VGLL4: variants seen among roughly 807,000 people sequenced by gnomAD.
The protein encoded by VGLL4 is transcription cofactor vestigial-like protein 4.
In VGLL4, 7 loss-of-function variants were observed where a neutral mutation model predicts 21.0. The observed-to-expected ratio is 0.33, with a 90% CI of 0.19 to 0.63. VGLL4 has a LOEUF of 0.63. Among genes scored for constraint, VGLL4 ranks in the 20% least tolerant of loss-of-function variants. The probability of loss-of-function intolerance (pLI) is 0.78; values close to 1 mark genes in which losing one functional copy is unlikely to be tolerated. For synonymous variants in VGLL4, 222 were observed against 173.2 expected, an observed-to-expected ratio of 1.28 and a Z score of -2.21; for missense variants, 394 against 425.7, an observed-to-expected ratio of 0.93 and a Z score of 0.66.
chr3:11,629,988 A>G (rs989362591), intron 1 of VGLL4, among the ~76,000 whole-genome samples: 1 of 145,890 alleles, frequency 6.9e-6, no homozygotes, highest in Non-Finnish European at 1.5e-5. Flanking sequence ...GTGTTCTCAA[A>G]AAAGAGTCTT....
rs190076121 is a variant in VGLL4, at chr3:11,598,601, C to T, written c.272+3232G>A. On this transcript the variant is annotated intron_variant, in intron 2 of 4. Transcript: ENST00000430365. ...AACTCCTGGGCTAAAGCTATCCTCCCACCTCAGCCTCCCAAGTAGCTGGGA... is the reference window on the plus strand; with the variant it reads ...AACTCCTGGGCTAAAGCTATCCTCCTACCTCAGCCTCCCAAGTAGCTGGGA... Among the ~76,000 whole-genome samples, 734 of 152,142 alleles carry T rather than the reference C, an allele frequency of 4.8e-3. 6 individuals carry two copies. The highest frequency in any genetic ancestry group is 0.01 in the Middle Eastern group (3 of 294).
intron 2 of VGLL4, among the ~76,000 whole-genome samples, chr3:11,694,347 G>C (rs886878074): frequency 3.3e-5 from 5 of 152,138 alleles, no homozygotes; most frequent in African/African-American, 1.2e-4. Context: ...GGGGTCAGGC[G>C]CGGTGGCTCA....
At chr3:11,701,534 A>G (rs1438869012) in intron 2 of VGLL4, among the ~76,000 whole-genome samples, 4 of 152,226 alleles carry the variant, frequency 2.6e-5, no homozygotes, top group African/African-American at 9.6e-5. Context: ...GTGCCAGGAG[A>G]GAGGGCAAGG....
chr3:11,683,174 C>A (rs544262860), intron 2 of VGLL4, among the ~76,000 whole-genome samples: 1 of 151,884 alleles, frequency 6.6e-6, no homozygotes, highest in Admixed American at 6.6e-5. Flanking sequence ...TTGCAGTGAG[C>A]CGAGATCACA....
At chr3:11,689,543 CTT>C (rs573172130) in intron 2 of VGLL4, among the ~76,000 whole-genome samples, 12 of 152,214 alleles carry the variant, frequency 7.9e-5, no homozygotes, top group Non-Finnish European at 1.6e-4. Flanking sequence ...GCTCAAATCT[CTT>C]TGAAGATACC....
chr3:11,649,102 G>A (rs2075833345), intron 2 of VGLL4, among the ~76,000 whole-genome samples: 1 of 152,180 alleles, frequency 6.6e-6, no homozygotes, highest in South Asian at 2.1e-4. Context: ...ATGAAAACCT[G>A]AAAACCTAAA....
At chr3:11,652,048 C>T (rs1278695113) in intron 2 of VGLL4, among the ~76,000 whole-genome samples, 1 of 152,124 alleles carries the variant, frequency 6.6e-6, no homozygotes, top group East Asian at 1.9e-4. Flanking sequence ...AAGATTTTAA[C>T]ACAAATCTAT....
chr3:11,641,595 G>A (rs1359148513), intron 1 of VGLL4, among the ~76,000 whole-genome samples: 1 of 152,172 alleles, frequency 6.6e-6, no homozygotes, highest in Admixed American at 6.5e-5. Context: ...AAATTTTGCT[G>A]TGCTTTCCTT....
chr3:11,576,481 ATC>A lies in VGLL4; in HGVS notation c.273-11464_273-11463del, dbSNP rs144000574. ...TCACAGAAGGGATGAAAAACACTCTATCTTTCCTTCCTCACTGAGCTGCAGTG... is the reference window on the plus strand; with the variant it reads ...TCACAGAAGGGATGAAAAACACTCTATTTCCTTCCTCACTGAGCTGCAGTG... On this transcript the variant is annotated intron_variant, in intron 2 of 4. Coordinates refer to ENST00000430365, the MANE Select transcript of VGLL4 (RefSeq NM_001128219.3). 4.5e-3 allele frequency among the ~76,000 whole-genome samples: 681 copies of A among 152,336 alleles called. 8 individuals are homozygous for A. The highest frequency in any genetic ancestry group is 0.016 in the African/African-American group (651 of 41,580).
Position 11,602,035 on chromosome 3 carries a change from AGAT to A in VGLL4, c.83-16_83-14del, listed in dbSNP as rs2074815082. ...AGAGCAGCTTCGCCTACGCAGAGAGAGATGATGTAGTCACTAAGCAGGAGAAAG... is the reference window on the plus strand; with the variant it reads ...AGAGCAGCTTCGCCTACGCAGAGAGAGATGTAGTCACTAAGCAGGAGAAAG... On this transcript the variant is annotated splice_polypyrimidine_tract_variant and intron_variant, in intron 1 of 4. Coordinates refer to ENST00000430365, the MANE Select transcript of VGLL4 (RefSeq NM_001128219.3). The A allele has an allele frequency of 6.6e-7, 1 of 1,524,840 alleles. No individual in the cohort carries two copies. Among genetic ancestry groups the A allele is most frequent in the Non-Finnish European group, 8.8e-7 (1 of 1,141,846 alleles). The allele number at this position is 1,524,840 out of a possible 1,614,324, so 94.5% of individuals were successfully genotyped here.
At chr3:11,690,391 T>C (rs973343294) in intron 2 of VGLL4, among the ~76,000 whole-genome samples, 1 of 152,244 alleles carries the variant, frequency 6.6e-6, no homozygotes, top group African/African-American at 2.4e-5. Flanking sequence ...ATGTGTTCAG[T>C]CTGCCATTTT....
rs66730065 is a variant in VGLL4, at chr3:11,563,144, TGTGGGCAGAGATAGCTTGTAAGGCTCACA to T, written c.495+1624_495+1652del. On this transcript the variant is annotated intron_variant, in intron 3 of 4. Coordinates refer to ENST00000430365, the MANE Select transcript of VGLL4 (RefSeq NM_001128219.3). ...GCCCGCCAAGGGCCCACCCTGACCATGTGGGCAGAGATAGCTTGTAAGGCTCACAGTTATGTCCCCCAGGTCATCAAGGG... is the reference window on the plus strand; with the variant it reads ...GCCCGCCAAGGGCCCACCCTGACCATGTTATGTCCCCCAGGTCATCAAGGG... Among the ~76,000 whole-genome samples the T allele has an allele frequency of 6.1e-3, 936 of 152,336 alleles. 5 individuals are homozygous for T. Among genetic ancestry groups the T allele is most frequent in the Middle Eastern group, 0.031 (9 of 294 alleles).
intron 3 of VGLL4, among the ~76,000 whole-genome samples, chr3:11,559,806 C>T (rs958363874): frequency 6.6e-6 from 1 of 152,178 alleles, no homozygotes; most frequent in Admixed American, 6.5e-5. Context: ...TCGATTCTCC[C>T]GTTAACGTCC....
At chr3:11,617,694 CCCTT>C (rs2075188440) in intron 1 of VGLL4, among the ~76,000 whole-genome samples, 1 of 152,216 alleles carries the variant, frequency 6.6e-6, no homozygotes, top group South Asian at 2.1e-4. Context: ...TCAATGTTGA[CCCTT>C]CCTTCGTATA....
intron 1 of VGLL4, chr3:11,720,263 C>A (rs1178182107): frequency 6.6e-6 from 1 of 151,868 alleles, no homozygotes; most frequent in African/African-American, 2.4e-5. Context: ...CCGCCCGCGC[C>A]GGTTCGCCGT....
chr3:11,608,099 A>G (rs994582326), intron 1 of VGLL4, among the ~76,000 whole-genome samples: 1 of 152,236 alleles, frequency 6.6e-6, no homozygotes, highest in African/African-American at 2.4e-5. Context: ...TCGAAATTTC[A>G]CAATGGTCTG....
intron 2 of VGLL4, among the ~76,000 whole-genome samples, chr3:11,570,073 G>A (rs2073711983): frequency 6.6e-6 from 1 of 151,952 alleles, no homozygotes; most frequent in Non-Finnish European, 1.5e-5. Flanking sequence ...ACCTTTACCT[G>A]CTGCCCCCTG....
intron 1 of VGLL4, among the ~76,000 whole-genome samples, chr3:11,715,084 G>A (rs923292240): frequency 1.3e-5 from 2 of 150,434 alleles, no homozygotes; most frequent in Non-Finnish European, 2.9e-5. Context: ...GCAGTGAGCC[G>A]AGATCGCGCC....
chr3:11,673,531 AG>A (rs2076246177), intron 2 of VGLL4, among the ~76,000 whole-genome samples: 2 of 152,190 alleles, frequency 1.3e-5, no homozygotes, highest in Admixed American at 1.3e-4. Context: ...AAAATATATC[AG>A]TGGAATCTAA....
Sources: gnomAD v4.1 joint callset for allele counts (sites outside exome capture counted in the v4.1 genomes callset) on GRCh38, gnomAD v4.1.1 for gene constraint, MANE v1.5 for transcripts, NCBI Gene and HGNC (gene_info 2026-07-23, HGNC 2026-07-21) for gene names.